The following CHD7 variants were observed in gnomAD, a reference collection of about 807,000 sequenced individuals.
CHD7 encodes the protein chromodomain helicase DNA binding protein 7.
CHD7 carries 24 observed loss-of-function variants against 307.3 expected under a neutral mutation model. The observed-to-expected ratio is 0.08, with a 90% CI of 0.06 to 0.11. The LOEUF (loss-of-function observed/expected upper bound fraction) is 0.11. Among genes scored for constraint, CHD7 ranks in the 10% least tolerant of loss-of-function variants. The pLI, the probability that CHD7 is intolerant of heterozygous loss-of-function variation, is 1.00. For synonymous variants in CHD7, 1,363 were observed against 1,349.9 expected (o/e 1.01, Z -0.21); for missense variants, 3,106 against 3,727.1 (o/e 0.83, Z 4.34).
chr8:60,743,837 A>G lies in CHD7; in HGVS notation c.1665+740A>G, dbSNP rs114828142. Among the ~76,000 whole-genome samples the G allele has an allele frequency of 7.5e-3, 1,149 of 152,340 alleles. 18 individuals are homozygous for G. The highest frequency in any genetic ancestry group is 0.026 in the African/African-American group (1,067 of 41,576). On this transcript the variant is annotated intron_variant, in intron 2 of 37. Transcript: ENST00000423902. ...TGTTTATGCCCTAGGTCTGTGAAAG[A>G]TAAATTAATGCCTGTGTATACAGAT...
chr8:60,867,735 G>C lies in CHD7; in HGVS notation c.*1802G>C, dbSNP rs1806284001. ...GAGATTCAGTTCGTTTATGCCCCAAGATGAAAATATGCCCCTTAATGATTC... is the reference window on the plus strand; with the variant it reads ...GAGATTCAGTTCGTTTATGCCCCAACATGAAAATATGCCCCTTAATGATTC... On this transcript the variant is annotated 3_prime_UTR_variant, in exon 38 of 38. Coordinates refer to ENST00000423902, the MANE Select transcript of CHD7 (RefSeq NM_017780.4). 1 of 152,146 alleles carries C rather than the reference G, an allele frequency of 6.6e-6. No homozygotes were observed. The highest frequency in any genetic ancestry group is 1.5e-5 in the Non-Finnish European group (1 of 68,024). 9.4% of individuals were successfully genotyped at this position (152,146 alleles called of 1,614,324 possible).
At chr8:60,705,634 CATAA>C (rs1806988175) in intron 1 of CHD7, among the ~76,000 whole-genome samples, 2 of 152,120 alleles carry the variant, frequency 1.3e-5, no homozygotes, top group South Asian at 4.1e-4. Context: ...ATTAGATATC[CATAA>C]ATAAATCTTA....
At chr8:60,750,384 C>T (rs1809577253) in intron 2 of CHD7, among the ~76,000 whole-genome samples, 3 of 152,132 alleles carry the variant, frequency 2.0e-5, no homozygotes, top group African/African-American at 7.2e-5. Flanking sequence ...AGGGAGGAGA[C>T]AGCAACCTCC....
In CHD7 at chr8:60,822,599, T is replaced by A; in HGVS notation, c.3054T>A (p.Pro1018=). 1 of 1,613,546 alleles carries A rather than the reference T, an allele frequency of 6.2e-7. No homozygotes were observed. The highest frequency in any genetic ancestry group is 2.2e-5 in the East Asian group (1 of 44,882). ...TATATTTGAAAGGAATCCATGGCCC[T>A]TTTTTAGTAATTGCCCCATTGTCCA... ...YEIYLKGIHG[P]FLVIAPLSTI... Residue 1018 remains proline, a synonymous_variant, in exon 12 of 38, where the codon CCT becomes CCA. Transcript: ENST00000423902.
chr8:60,810,311 T>A (rs1399634756), intron 7 of CHD7, among the ~76,000 whole-genome samples: 2 of 151,904 alleles, frequency 1.3e-5, no homozygotes, highest in Non-Finnish European at 2.9e-5. Context: ...GGGCTTTAGG[T>A]GTGCTCCTCG....
intron 2 of CHD7, among the ~76,000 whole-genome samples, chr8:60,746,530 G>A (rs774795548): frequency 6.6e-6 from 1 of 152,176 alleles, no homozygotes; most frequent in Non-Finnish European, 1.5e-5. Flanking sequence ...ACTATACCAG[G>A]TATCAGGGAA....
At chr8:60,720,194 C>A (rs547134533) in intron 1 of CHD7, among the ~76,000 whole-genome samples, 2 of 152,192 alleles carry the variant, frequency 1.3e-5, no homozygotes, top group African/African-American at 2.4e-5. Context: ...TATCTGTCCT[C>A]TTTCAATGGC....
chr8:60,835,892 C>G (rs755804544), intron 15 of CHD7, among the ~76,000 whole-genome samples, 181 bp from the exon 16 acceptor site: 1 of 152,198 alleles, frequency 6.6e-6, no homozygotes, highest in Non-Finnish European at 1.5e-5. Context: ...ACTTTTACCC[C>G]TTTTGTACAT....
intron 1 of CHD7, among the ~76,000 whole-genome samples, chr8:60,726,010 C>T (rs577916107): frequency 6.6e-6 from 1 of 152,296 alleles, no homozygotes; most frequent in African/African-American, 2.4e-5. Flanking sequence ...ATCAGAAGTA[C>T]ACAAGTTTAC....
At chr8:60,780,003 A>C (rs1037035360) in intron 2 of CHD7, among the ~76,000 whole-genome samples, 23 of 152,248 alleles carry the variant, frequency 1.5e-4, no homozygotes, top group African/African-American at 5.3e-4. Context: ...ATGCCAGAAG[A>C]AGCATATGAG....
intron 1 of CHD7, among the ~76,000 whole-genome samples, chr8:60,690,499 T>G (rs2150487438): frequency 6.6e-6 from 1 of 152,298 alleles, no homozygotes; most frequent in Non-Finnish European, 1.5e-5. Context: ...AATAAACATC[T>G]GGGCTGGTGT....
At position 60,741,774 on chromosome 8, in the gene CHD7, C is replaced by T; in HGVS notation, c.342C>T (p.Pro114=). The change falls in exon 2 of 38, where the codon CCC becomes CCT. Residue 114 remains proline, a synonymous_variant. Transcript: ENST00000423902. ...ACACCCCTCCCGTTCCTCAGGTGCC[C>T]CATGGTGGCAGTGGTGGCGGTCAGA... is the stretch of plus-strand genomic sequence containing the variant. ...QYHTPPVPQV[P]HGGSGGGQMG... 1 of 1,613,900 alleles carries T rather than the reference C, an allele frequency of 6.2e-7. No homozygotes were observed. The highest frequency in any genetic ancestry group is 1.1e-5 in the South Asian group (1 of 91,040).
At chr8:60,794,696 A>AT (rs1811934458) in intron 3 of CHD7, among the ~76,000 whole-genome samples, 3 of 152,152 alleles carry the variant, frequency 2.0e-5, no homozygotes, top group Non-Finnish European at 4.4e-5. Flanking sequence ...TCTTAATCTG[A>AT]TTTTTTATTA....
intron 2 of CHD7, among the ~76,000 whole-genome samples, chr8:60,755,353 A>AT (rs966689826): frequency 4.0e-5 from 6 of 151,876 alleles, no homozygotes; most frequent in South Asian, 2.1e-4. Flanking sequence ...CACCATTGCC[A>AT]TTTTTTTTAA....
At chr8:60,821,950 G>T (rs367998026) in intron 10 of CHD7, 23 bp downstream of exon 10, 13 of 1,613,110 alleles carry the variant, frequency 8.1e-6, no homozygotes, top group Non-Finnish European at 1.1e-5. Context: ...TGATGGTAGA[G>T]AATTTAATTT....
In CHD7 at chr8:60,841,640, T is replaced by G. The variant is rs762875935; in HGVS notation, c.4534-4T>G. 1.2e-5 allele frequency: 20 copies of G among 1,605,348 alleles called. No homozygotes were observed. In the South Asian group the frequency reaches 2.0e-4, roughly 16 times the overall value. The stretch of plus-strand genomic sequence containing the variant: ...AAAGTAATGCGTTTCTTTTTTCTCT[T>G]TAGGCCAGTTTTGTTGCATCTGGAA... On this transcript the variant is annotated splice_polypyrimidine_tract_variant and splice_region_variant and intron_variant, in intron 19 of 37. Transcript: ENST00000423902.
intron 18 of CHD7, 97 bp downstream of exon 18, chr8:60,837,932 C>A: frequency 1.5e-6 from 2 of 1,318,634 alleles, no homozygotes; most frequent in Admixed American, 2.8e-5. Flanking sequence ...ATTTTTCGAC[C>A]TCAATATTTT....
chr8:60,821,922 C>A lies in CHD7; in HGVS notation c.2830C>A (p.Arg944Ser), dbSNP rs587783435. Residue 944 changes from arginine to serine, a missense_variant, in exon 10 of 38, where the codon CGT (arginine) becomes AGT (serine). Transcript: ENST00000423902. ...AATGTCCAGGGAGCCGGAAACAGAG[C>A]GTGTGGTAAGAATTGGCTGATGGTA... ...KLMSREPETE[R>S]VERPPADDWK... The A allele has an allele frequency of 6.2e-7, 1 of 1,612,936 alleles. No homozygotes were observed. The highest frequency in any genetic ancestry group is 8.5e-7 in the Non-Finnish European group (1 of 1,179,496).
intron 31 of CHD7, among the ~76,000 whole-genome samples, 164 bp downstream of exon 31, chr8:60,853,664 CGCACCTTATA>C (rs1253926184): frequency 6.6e-6 from 1 of 152,188 alleles, no homozygotes; most frequent in African/African-American, 2.4e-5. Flanking sequence ...GTTTTGCTCT[CGCACCTTATA>C]GCACCTAACC....
Sources: gnomAD v4.1 joint callset for allele counts (sites outside exome capture counted in the v4.1 genomes callset) on GRCh38, gnomAD v4.1.1 for gene constraint, MANE v1.5 for transcripts, NCBI Gene and HGNC (gene_info 2026-07-23, HGNC 2026-07-21) for gene names.